CDCA5: variants seen among roughly 807,000 people sequenced by gnomAD.
The protein encoded by CDCA5 is cell division cycle associated 5.
In CDCA5, 14 loss-of-function variants were observed where a neutral mutation model predicts 25.7. The ratio of observed to expected loss-of-function variants is 0.54; its 90% CI spans 0.36 to 0.85. The LOEUF is 0.85. CDCA5 is among the 40% of genes least tolerant of loss of function. The pLI is 0.01. For missense variants in CDCA5, 307 were observed against 324.5 expected (o/e 0.95, Z 0.41); for synonymous variants, 127 against 128.7 (o/e 0.99, Z 0.09).
chr11:65,075,191 A>G (rs1260513601), downstream of CDCA5, among the ~76,000 whole-genome samples: 1 of 151,928 alleles, frequency 6.6e-6, no homozygotes, highest in Non-Finnish European at 1.5e-5. Context: ...GAGGTCAGAA[A>G]TTAGAGACCA....
In CDCA5 at chr11:65,078,933, A is replaced by G; in HGVS notation, c.*174T>C. On this transcript the variant is annotated 3_prime_UTR_variant, in exon 6 of 6. Transcript: ENST00000275517. ...CAGGCGGCCCCATTTCCTAAAACCA[A>G]GATGGCTGCCGCTGCTGCCCAAGCC... 7.9e-7 allele frequency: 1 copy of G among 1,259,032 alleles called. No homozygotes were observed. The allele number at this position is 1,259,032 out of a possible 1,614,324, so 78.0% of individuals were successfully genotyped here.
chr11:65,061,790 A>AC (rs1565259133), downstream of CDCA5, among the ~76,000 whole-genome samples: 1 of 148,718 alleles, frequency 6.7e-6, no homozygotes, highest in African/African-American at 2.5e-5. Context: ...AAAAAAAAAA[A>AC]AAAAACAAAA....
intron 2 of CDCA5, chr11:65,068,149 G>A (rs1388976415): frequency 8.0e-7 from 1 of 1,246,224 alleles, no homozygotes; most frequent in African/African-American, 1.5e-5. Context: ...GGTGACTGGA[G>A]AGGGTCACGG....
At chr11:65,068,373 G>A in intron 2 of CDCA5, 2 of 607,844 alleles carry the variant, frequency 3.3e-6, no homozygotes, top group Admixed American at 5.7e-5. Context: ...CCTGACAGCT[G>A]GAAGCTGGGT....
Position 65,078,983 on chromosome 11 carries a change from G to A in CDCA5, c.*124C>T, listed in dbSNP as rs561208556. The A allele has an allele frequency of 7.6e-6, 10 of 1,315,104 alleles. No individual in the cohort carries two copies. In the Admixed American group the frequency reaches 1.0e-4, roughly 14 times the overall value. 81.5% of individuals were successfully genotyped at this position (1,315,104 alleles called of 1,614,324 possible). On this transcript the variant is annotated 3_prime_UTR_variant, in exon 6 of 6. Coordinates refer to ENST00000275517, the MANE Select transcript of CDCA5 (RefSeq NM_080668.4). ...CCTCAAAGGCAGACAGTCCTCATGC[G>A]CAGCACCAGCACACACACAGGTAAC...
At chr11:65,079,960 G>A (rs865982786) in intron 4 of CDCA5, among the ~76,000 whole-genome samples, 173 bp from the exon 5 acceptor site, 2 of 150,578 alleles carry the variant, frequency 1.3e-5, no homozygotes, top group Non-Finnish European at 3.0e-5. Flanking sequence ...GCATGATCTC[G>A]GCTCACTGCA....
chr11:65,076,871 G>A (rs1947456291), downstream of CDCA5, among the ~76,000 whole-genome samples: 1 of 152,206 alleles, frequency 6.6e-6, no homozygotes, highest in Admixed American at 6.5e-5. Flanking sequence ...ACTCGGGAGG[G>A]TGTTTGCTTC....
At chr11:65,071,310 A>G (rs1947338045) in intron 1 of CDCA5, among the ~76,000 whole-genome samples, 1 of 148,940 alleles carries the variant, frequency 6.7e-6, no homozygotes, top group African/African-American at 2.5e-5. Context: ...GTACTAGAAA[A>G]CTATCTATTA....
chr11:65,066,350 C>T (rs899281466), downstream of CDCA5: 21 of 1,172,234 alleles, frequency 1.8e-5, no homozygotes, highest in South Asian at 3.3e-5. Context: ...GCTGAAGGAG[C>T]GGCCTCCCGA....
chr11:65,082,459 C>CTTTTT (rs35061489), intron 4 of CDCA5, among the ~76,000 whole-genome samples: 21 of 103,060 alleles, frequency 2.0e-4, no homozygotes, highest in Non-Finnish European at 2.5e-4. Context: ...ACCTACTTGT[C>CTTTTT]TTTTTTTTTT....
downstream of CDCA5, among the ~76,000 whole-genome samples, chr11:65,061,400 T>C (rs1947184897): frequency 6.6e-6 from 1 of 152,196 alleles, no homozygotes. Context: ...CCAAGCCACT[T>C]TCAGATTCTT....
At chr11:65,072,522 T>G (rs1017028513), downstream of CDCA5, among the ~76,000 whole-genome samples, 1 of 152,134 alleles carries the variant, frequency 6.6e-6, no homozygotes, top group African/African-American at 2.4e-5. Context: ...GGACTAGAAT[T>G]TGTGCTGTGG....
chr11:65,073,317 C>G (rs1947377006), downstream of CDCA5, among the ~76,000 whole-genome samples: 1 of 152,168 alleles, frequency 6.6e-6, no homozygotes, highest in Non-Finnish European at 1.5e-5. Context: ...GAAACTGAGG[C>G]ACATCAGAGT....
At chr11:65,062,188 G>T (rs1387353291), downstream of CDCA5, among the ~76,000 whole-genome samples, 2 of 152,146 alleles carry the variant, frequency 1.3e-5, no homozygotes, top group Non-Finnish European at 2.9e-5. Context: ...CCAAAGTGCT[G>T]GGATTACAGG....
At chr11:65,076,604 T>A (rs185701992), downstream of CDCA5, among the ~76,000 whole-genome samples, 25 of 152,300 alleles carry the variant, frequency 1.6e-4, no homozygotes, top group Non-Finnish European at 3.4e-4. Context: ...GAGAACTTAA[T>A]GGCTTTGATT....
At chr11:65,071,375 C>T (rs1443142286) in intron 1 of CDCA5, among the ~76,000 whole-genome samples, 4 of 147,348 alleles carry the variant, frequency 2.7e-5, no homozygotes, top group African/African-American at 1.0e-4. Context: ...TGGGGACAGT[C>T]TCGCTTTGTT....
At position 65,083,524 on chromosome 11, in the gene CDCA5, C is replaced by T; in HGVS notation, c.168G>A (p.Lys56=). 2 of 1,614,182 alleles carry T rather than the reference C, an allele frequency of 1.2e-6. No individual in the cohort carries two copies. Among genetic ancestry groups the T allele is most frequent in the South Asian group, 2.2e-5 (2 of 91,082 alleles). ...PKTPSAAAVR[K]PIVLKRIVAH... Reference sequence around the variant, plus strand: ...CCACGATCCTCTTTAAGACGATGGGCTTTCTGACTGCAGCCGCACTGGGTG... The same window carrying T: ...CCACGATCCTCTTTAAGACGATGGGTTTTCTGACTGCAGCCGCACTGGGTG... The change falls in exon 3 of 6, where the codon AAG becomes AAA. Residue 56 remains lysine (K), a synonymous_variant. Transcript: ENST00000275517.
downstream of CDCA5, among the ~76,000 whole-genome samples, chr11:65,063,842 C>T (rs543783376): frequency 6.6e-5 from 10 of 152,310 alleles, no homozygotes; most frequent in South Asian, 4.1e-4. Context: ...CTGGGGCCCA[C>T]GCAGCTTTGC....
rs116319757 is a variant in CDCA5, at chr11:65,071,760, C to T, written c.64-3159G>A. Among the ~76,000 whole-genome samples the T allele has an allele frequency of 4.6e-3, 704 of 152,258 alleles. 2 individuals carry two copies. The highest frequency in any genetic ancestry group is 0.014 in the Middle Eastern group (4 of 294). ...AAAGCTCCACGGTTACCAGTTGGTACGTGAGGAGGATGAGCAGATAGACAG... is the reference window on the plus strand; with the variant it reads ...AAAGCTCCACGGTTACCAGTTGGTATGTGAGGAGGATGAGCAGATAGACAG... On this transcript the variant is annotated intron_variant, in intron 1 of 6. Coordinates refer to the CDCA5 transcript ENST00000525464.
Sources: gnomAD v4.1 joint callset for allele counts (sites outside exome capture counted in the v4.1 genomes callset) on GRCh38, gnomAD v4.1.1 for gene constraint, MANE v1.5 for transcripts, NCBI Gene and HGNC (gene_info 2026-07-23, HGNC 2026-07-21) for gene names.